NKAIN2: variants seen among roughly 807,000 people sequenced by gnomAD.
NKAIN2 encodes sodium/potassium transporting ATPase interacting 2.
Under a neutral mutation model 32.6 loss-of-function variants are expected in NKAIN2, and 14 were observed. That is an observed-to-expected ratio of 0.43 (90% CI 0.28 to 0.67). The LOEUF (loss-of-function observed/expected upper bound fraction) is 0.67, where lower values mean the gene tolerates loss of function less well. NKAIN2 is among the 30% of genes least tolerant of loss of function. NKAIN2 has a pLI of 0.17. For missense variants in NKAIN2, 198 were observed against 258.3 expected, an observed-to-expected ratio of 0.77 and a Z score of 1.60; for synonymous variants, 80 against 87.2, an observed-to-expected ratio of 0.92 and a Z score of 0.46.
intron 3 of NKAIN2, among the ~76,000 whole-genome samples, chr6:124,568,303 C>T (rs1780997237): frequency 6.6e-6 from 1 of 152,170 alleles, no homozygotes; most frequent in East Asian, 1.9e-4. Context: ...GCAATTAGTG[C>T]CCACTAGGCC....
intron 3 of NKAIN2, among the ~76,000 whole-genome samples, chr6:124,542,076 G>A (rs569102220): frequency 4.5e-4 from 68 of 152,038 alleles, no homozygotes; most frequent in African/African-American, 1.6e-3. Flanking sequence ...AACTGGCTAT[G>A]AATTTCAAAA....
At chr6:123,814,568 G>T (rs7759116) in intron 1 of NKAIN2, among the ~76,000 whole-genome samples, 1 of 151,848 alleles carries the variant, frequency 6.6e-6, no homozygotes, top group African/African-American at 2.4e-5. Context: ...CTTTCTTTTC[G>T]TAAGAAAGAG....
chr6:123,853,083 T>C (rs1582653699), intron 1 of NKAIN2, among the ~76,000 whole-genome samples: 1 of 152,212 alleles, frequency 6.6e-6, no homozygotes, highest in Non-Finnish European at 1.5e-5. Flanking sequence ...CCTCATGTCT[T>C]GATACTGTGT....
chr6:124,823,534 T>C lies in NKAIN2; in HGVS notation c.*305T>C. 1 of 362,526 alleles carries C rather than the reference T, an allele frequency of 2.8e-6. No individual in the cohort carries two copies. Among genetic ancestry groups the C allele is most frequent in the Admixed American group, 4.0e-5 (1 of 25,134 alleles). The allele number at this position is 362,526 out of a possible 1,614,324, so 22.5% of individuals were successfully genotyped here. On this transcript the variant is annotated 3_prime_UTR_variant, in exon 7 of 7. Transcript: ENST00000368417. ...GGCCTTCGGAAAGTTCAGAAGGAGA[T>C]GTGTTGATGCCCAACGGTTGCCGGC...
chr6:124,338,328 ACT>A (rs1797966843), intron 2 of NKAIN2, among the ~76,000 whole-genome samples: 1 of 152,066 alleles, frequency 6.6e-6, no homozygotes, highest in South Asian at 2.1e-4. Context: ...AGTAATTTAA[ACT>A]CTCTCCCAAT....
intron 1 of NKAIN2, among the ~76,000 whole-genome samples, chr6:123,828,475 T>G (rs1369707717): frequency 6.6e-6 from 1 of 152,174 alleles, no homozygotes; most frequent in Non-Finnish European, 1.5e-5. Context: ...TTGAAAATAA[T>G]GTTATGTTGG....
At chr6:124,625,196 C>T (rs999570590) in intron 3 of NKAIN2, among the ~76,000 whole-genome samples, 1 of 151,896 alleles carries the variant, frequency 6.6e-6, no homozygotes, top group Admixed American at 6.6e-5. Flanking sequence ...AGAATATGAA[C>T]ATAAATTGTG....
intron 4 of NKAIN2, among the ~76,000 whole-genome samples, chr6:124,781,897 C>A (rs2114786726): frequency 6.6e-6 from 1 of 152,182 alleles, no homozygotes; most frequent in African/African-American, 2.4e-5. Flanking sequence ...TGGGAAAAAA[C>A]TGGTCTTCAA....
chr6:123,874,519 G>C (rs1036485692), intron 1 of NKAIN2, among the ~76,000 whole-genome samples: 1 of 152,130 alleles, frequency 6.6e-6, no homozygotes, highest in Admixed American at 6.5e-5. Context: ...ATGTGAATTA[G>C]AGTAGCTCTT....
At chr6:124,516,070 A>T (rs1200890212) in intron 3 of NKAIN2, among the ~76,000 whole-genome samples, 1 of 152,204 alleles carries the variant, frequency 6.6e-6, no homozygotes, top group African/African-American at 2.4e-5. Flanking sequence ...TTCTAGGTAC[A>T]TCACGGAGCA....
chr6:123,921,981 G>A (rs1053196108), intron 1 of NKAIN2, among the ~76,000 whole-genome samples: 2 of 151,714 alleles, frequency 1.3e-5, no homozygotes, highest in African/African-American at 2.4e-5. Context: ...GTGATAAATT[G>A]TTCAGCATTT....
At chr6:124,569,097 A>G (rs897376442) in intron 3 of NKAIN2, among the ~76,000 whole-genome samples, 3 of 152,190 alleles carry the variant, frequency 2.0e-5, no homozygotes, top group Non-Finnish European at 4.4e-5. Context: ...TTCCTACCAT[A>G]CTACTCAAGG....
chr6:124,648,935 A>T (rs1199812334), intron 3 of NKAIN2, among the ~76,000 whole-genome samples: 1 of 152,196 alleles, frequency 6.6e-6, no homozygotes, highest in African/African-American at 2.4e-5. Flanking sequence ...AAATATTTTG[A>T]ACTAAATGGA....
At chr6:123,891,428 G>T (rs1774014317) in intron 1 of NKAIN2, among the ~76,000 whole-genome samples, 1 of 152,106 alleles carries the variant, frequency 6.6e-6, no homozygotes, top group Non-Finnish European at 1.5e-5. Context: ...TAAGATACAA[G>T]AATCAATAAA....
At chr6:124,650,258 C>A (rs900719903) in intron 3 of NKAIN2, among the ~76,000 whole-genome samples, 1 of 152,022 alleles carries the variant, frequency 6.6e-6, no homozygotes, top group Non-Finnish European at 1.5e-5. Context: ...AGGTATTGGC[C>A]CCCAAAATAC....
chr6:124,754,382 G>A (rs1473115103), intron 4 of NKAIN2, among the ~76,000 whole-genome samples: 1 of 151,902 alleles, frequency 6.6e-6, no homozygotes, highest in African/African-American at 2.4e-5. Flanking sequence ...TCTATCTGCT[G>A]GTCGTTGAGT....
intron 5 of NKAIN2, among the ~76,000 whole-genome samples, chr6:124,811,744 G>A (rs1470985531): frequency 6.6e-6 from 1 of 152,138 alleles, no homozygotes; most frequent in Admixed American, 6.5e-5. Context: ...GTTGTCTTTT[G>A]GAGGTGATGG....
intron 3 of NKAIN2, among the ~76,000 whole-genome samples, chr6:124,439,982 C>A (rs1830649): frequency 6.6e-6 from 1 of 152,010 alleles, no homozygotes; most frequent in East Asian, 1.9e-4. Context: ...TCCTAAAAAG[C>A]AAATTTGGGT....
At chr6:123,905,745 A>G (rs546412299) in intron 1 of NKAIN2, among the ~76,000 whole-genome samples, 3 of 152,298 alleles carry the variant, frequency 2.0e-5, no homozygotes, top group South Asian at 2.1e-4. Flanking sequence ...AACACTACCA[A>G]TGGGGATGGA....
Sources: gnomAD v4.1 joint callset for allele counts (sites outside exome capture counted in the v4.1 genomes callset) on GRCh38, gnomAD v4.1.1 for gene constraint, MANE v1.5 for transcripts, NCBI Gene and HGNC (gene_info 2026-07-23, HGNC 2026-07-21) for gene names.